The following HCN1 variants were observed in gnomAD, a reference collection of about 807,000 sequenced individuals.
HCN1 encodes hyperpolarization activated cyclic nucleotide gated potassium channel 1.
HCN1 carries 13 observed loss-of-function variants against 78.9 expected under a neutral mutation model. The ratio of observed to expected loss-of-function variants is 0.16; its 90% confidence interval spans 0.11 to 0.26. The LOEUF is 0.26. Among genes scored for constraint, HCN1 ranks in the 10% least tolerant of loss-of-function variants. The probability of loss-of-function intolerance (pLI) is 1.00; values close to 1 mark genes in which losing one functional copy is unlikely to be tolerated. For synonymous variants in HCN1, 552 were observed against 455.5 expected, an observed-to-expected ratio of 1.21 and a Z score of -2.70; for missense variants, 810 against 1,154.3, an observed-to-expected ratio of 0.70 and a Z score of 4.32.
chr5:45,403,642 G>A (rs944735355), intron 3 of HCN1, among the ~76,000 whole-genome samples: 2 of 152,150 alleles, frequency 1.3e-5, no homozygotes, highest in East Asian at 3.9e-4. Context: ...CTCACAGCAT[G>A]TGGGGATTAT....
chr5:45,370,784 C>T (rs910630836), intron 4 of HCN1, among the ~76,000 whole-genome samples: 28 of 152,132 alleles, frequency 1.8e-4, no homozygotes, highest in African/African-American at 6.7e-4. Context: ...TTACTCTTCA[C>T]TGACACAAAA....
intron 2 of HCN1, among the ~76,000 whole-genome samples, chr5:45,622,513 CA>C (rs543661638): frequency 6.6e-6 from 1 of 151,930 alleles, no homozygotes; most frequent in Non-Finnish European, 1.5e-5. Flanking sequence ...ATTTTTTCTC[CA>C]AAAAGACAGA....
At chr5:45,432,037 T>A (rs1740473745) in intron 3 of HCN1, among the ~76,000 whole-genome samples, 1 of 152,336 alleles carries the variant, frequency 6.6e-6, no homozygotes, top group Non-Finnish European at 1.5e-5. Context: ...CATGACCATT[T>A]TAACGATATT....
chr5:45,272,725 T>C (rs549208168), intron 6 of HCN1, among the ~76,000 whole-genome samples: 9 of 152,194 alleles, frequency 5.9e-5, no homozygotes, highest in African/African-American at 1.9e-4. Context: ...ATGTTTATAA[T>C]AAAGAAAACT....
chr5:45,423,747 C>T (rs1477004752), intron 3 of HCN1, among the ~76,000 whole-genome samples: 1 of 152,156 alleles, frequency 6.6e-6, no homozygotes, highest in African/African-American at 2.4e-5. Context: ...CTCGCAGTGC[C>T]TACCTAGAAT....
At chr5:45,655,580 G>A (rs1561233889) in intron 1 of HCN1, among the ~76,000 whole-genome samples, 1 of 152,070 alleles carries the variant, frequency 6.6e-6, no homozygotes, top group Admixed American at 6.6e-5. Context: ...ATCTGAGCAG[G>A]TGGTTTACAC....
chr5:45,613,038 T>A (rs1306795815), intron 2 of HCN1, among the ~76,000 whole-genome samples: 1 of 152,100 alleles, frequency 6.6e-6, no homozygotes, highest in Non-Finnish European at 1.5e-5. Context: ...AGTTTTAGGG[T>A]ACATGTGCAC....
At chr5:45,370,384 A>C (rs1747329042) in intron 4 of HCN1, among the ~76,000 whole-genome samples, 1 of 152,006 alleles carries the variant, frequency 6.6e-6, no homozygotes, top group African/African-American at 2.4e-5. Flanking sequence ...TCTATATTAA[A>C]GTAGATATTT....
chr5:45,492,676 A>G (rs1468606541), intron 2 of HCN1, among the ~76,000 whole-genome samples: 2 of 151,066 alleles, frequency 1.3e-5, no homozygotes, highest in African/African-American at 4.9e-5. Context: ...AATATTTTGT[A>G]TTTTTAGTAC....
In HCN1 at chr5:45,303,823, T is replaced by C; in HGVS notation, c.1394A>G (p.Asn465Ser). The stretch of plus-strand genomic sequence containing the variant: ...CATTGTAGCCACCAGTTTCCGACAG[T>C]TGAAGTTGACTATCTCCTAAAGATG... ...DPLREEIVNF[N>S]CRKLVATMPL... Residue 465 changes from asparagine (N) to serine (S), a missense_variant, in exon 6 of 8, where the codon AAC becomes AGC. This residue lies in a region of HCN1 where 100 missense variants were observed against 126.8 expected (regional missense o/e 0.79). Coordinates refer to ENST00000303230, the MANE Select transcript of HCN1 (RefSeq NM_021072.4). The C allele has an allele frequency of 1.2e-6, 2 of 1,613,236 alleles. No individual in the cohort carries two copies. Among genetic ancestry groups the C allele is most frequent in the Non-Finnish European group, 1.7e-6 (2 of 1,179,404 alleles).
At chr5:45,284,931 T>C (rs191823764) in intron 6 of HCN1, among the ~76,000 whole-genome samples, 11 of 152,160 alleles carry the variant, frequency 7.2e-5, no homozygotes, top group Admixed American at 2.6e-4. Flanking sequence ...GAAAAAACAA[T>C]GTAGGTCAAT....
intron 2 of HCN1, among the ~76,000 whole-genome samples, chr5:45,473,578 C>CT (rs932013350): frequency 2.0e-5 from 3 of 150,270 alleles, no homozygotes; most frequent in Admixed American, 6.7e-5. Flanking sequence ...TATTTTTTTT[C>CT]TTTTTTTTTC....
chr5:45,672,743 T>A (rs1293990986), intron 1 of HCN1, among the ~76,000 whole-genome samples: 1 of 151,472 alleles, frequency 6.6e-6, no homozygotes, highest in African/African-American at 2.4e-5. Flanking sequence ...CTTGTAGCTT[T>A]ACCTATGTTC....
intron 3 of HCN1, among the ~76,000 whole-genome samples, chr5:45,448,310 C>T (rs1266635111): frequency 2.6e-5 from 4 of 152,094 alleles, no homozygotes; most frequent in Non-Finnish European, 5.9e-5. Flanking sequence ...AGTATTGTCT[C>T]GGAGTTCAAT....
chr5:45,612,258 T>C (rs1744853118), intron 2 of HCN1, among the ~76,000 whole-genome samples: 1 of 152,198 alleles, frequency 6.6e-6, no homozygotes, highest in Non-Finnish European at 1.5e-5. Context: ...AAATCATCTT[T>C]GATTTTAAGT....
chr5:45,376,746 T>G (rs549474903), intron 4 of HCN1, among the ~76,000 whole-genome samples: 1 of 151,962 alleles, frequency 6.6e-6, no homozygotes, highest in Admixed American at 6.6e-5. Flanking sequence ...GCAATTTCCT[T>G]GTGTCACTGG....
intron 2 of HCN1, among the ~76,000 whole-genome samples, chr5:45,501,642 T>C (rs1466478039): frequency 6.6e-6 from 1 of 152,122 alleles, no homozygotes; most frequent in Non-Finnish European, 1.5e-5. Flanking sequence ...CGTTTGACCA[T>C]GTTGGCCAGG....
intron 2 of HCN1, among the ~76,000 whole-genome samples, chr5:45,570,176 T>C (rs1011047901): frequency 1.3e-5 from 2 of 152,116 alleles, no homozygotes; most frequent in Admixed American, 1.3e-4. Flanking sequence ...TAATCTGATA[T>C]TCTCTTTCTT....
At chr5:45,445,955 A>C (rs561528430) in intron 3 of HCN1, among the ~76,000 whole-genome samples, 1 of 152,174 alleles carries the variant, frequency 6.6e-6, no homozygotes, top group Non-Finnish European at 1.5e-5. Context: ...GAGCAGAAAA[A>C]CTGGAAACTC....
Sources: gnomAD v4.1 joint callset for allele counts (sites outside exome capture counted in the v4.1 genomes callset) on GRCh38, gnomAD v4.1.1 for gene constraint, gnomAD v4.1.1 regional missense constraint, MANE v1.5 for transcripts, NCBI Gene and HGNC (gene_info 2026-07-23, HGNC 2026-07-21) for gene names.